The following VMP1 variants were observed in gnomAD, a reference collection of about 807,000 sequenced individuals.
VMP1 encodes the protein ectopic P-granules autophagy protein 3 homolog.
Under a neutral mutation model 56.0 loss-of-function variants are expected in VMP1, and 11 were observed. That is an observed-to-expected ratio of 0.20 (90% CI 0.12 to 0.32). The LOEUF is 0.32. VMP1 is among the 10% of genes least tolerant of loss of function. The pLI is 1.00. For missense variants in VMP1, 296 were observed against 490.3 expected (o/e 0.60, Z 3.74); for synonymous variants, 149 against 165.0 (o/e 0.90, Z 0.74).
chr17:59,765,113 A>T lies in VMP1; in HGVS notation c.557A>T (p.Lys186Ile). Residue 186 changes from lysine (K) to isoleucine (I), a missense_variant, in exon 6 of 12, where the codon AAA becomes ATA. Transcript: ENST00000262291. ...ATTTCTTTGTGGAGTATCATCTCAAAAGTTAGGATTGAAGCCTGCATGTGG... is the reference window on the plus strand; with the variant it reads ...ATTTCTTTGTGGAGTATCATCTCAATAGTTAGGATTGAAGCCTGCATGTGG... ...GTISLWSIIS[K>I]VRIEACMWGI... The T allele has an allele frequency of 6.2e-7, 1 of 1,613,420 alleles. No homozygotes were observed.
intron 5 of VMP1, among the ~76,000 whole-genome samples, chr17:59,757,625 C>T (rs2035892161): frequency 6.6e-6 from 1 of 152,116 alleles, no homozygotes. Flanking sequence ...CCCAGACATA[C>T]TCCTGCCTGG....
chr17:59,792,414 A>G (rs528615486), intron 7 of VMP1, among the ~76,000 whole-genome samples: 1 of 152,308 alleles, frequency 6.6e-6, no homozygotes, highest in African/African-American at 2.4e-5. Context: ...TGTGAATTCC[A>G]TACAGACTTA....
intron 6 of VMP1, among the ~76,000 whole-genome samples, chr17:59,766,466 G>T (rs1323442518): frequency 1.3e-5 from 2 of 151,854 alleles, no homozygotes; most frequent in Non-Finnish European, 2.9e-5. Flanking sequence ...ACCCGCCACC[G>T]CTCTCCAGCC....
chr17:59,788,122 C>T (rs533061666), intron 7 of VMP1, among the ~76,000 whole-genome samples: 2 of 152,130 alleles, frequency 1.3e-5, no homozygotes, highest in South Asian at 2.1e-4. Context: ...TAATGCAGTC[C>T]AGTCATTAGC....
At chr17:59,759,736 T>C (rs2035972657) in intron 5 of VMP1, among the ~76,000 whole-genome samples, 1 of 152,176 alleles carries the variant, frequency 6.6e-6, no homozygotes, top group African/African-American at 2.4e-5. Context: ...TGCCTGAATT[T>C]ATACATTTGG....
intron 10 of VMP1, among the ~76,000 whole-genome samples, chr17:59,826,222 T>C (rs545423729): frequency 6.6e-6 from 1 of 152,332 alleles, no homozygotes; most frequent in Non-Finnish European, 1.5e-5. Flanking sequence ...ACAGTTAACC[T>C]TTCTATATGT....
chr17:59,715,892 G>C (rs1369557369), intron 1 of VMP1, among the ~76,000 whole-genome samples: 1 of 151,998 alleles, frequency 6.6e-6, no homozygotes, highest in Non-Finnish European at 1.5e-5. Flanking sequence ...CTTTGTTCTA[G>C]TAGTTCTGAG....
chr17:59,710,126 G>T (rs1247170402), intron 1 of VMP1, among the ~76,000 whole-genome samples: 2 of 152,164 alleles, frequency 1.3e-5, no homozygotes. Context: ...GAACCCAGGA[G>T]GCGGAGCTTG....
chr17:59,738,787 G>T, intron 4 of VMP1, 50 bp from the exon 5 acceptor site: 1 of 1,253,724 alleles, frequency 8.0e-7, no homozygotes, highest in Non-Finnish European at 1.2e-6. Context: ...TATAAATACC[G>T]CATTTCTGTA....
intron 10 of VMP1, among the ~76,000 whole-genome samples, chr17:59,833,707 G>A (rs1050747151): frequency 3.3e-5 from 5 of 152,100 alleles, no homozygotes; most frequent in Non-Finnish European, 5.9e-5. Flanking sequence ...CAGCTAAAGT[G>A]TATCTCTTTT....
chr17:59,806,873 T>C (rs983053633), intron 7 of VMP1, among the ~76,000 whole-genome samples: 1 of 152,172 alleles, frequency 6.6e-6, no homozygotes, highest in African/African-American at 2.4e-5. Flanking sequence ...TGAGAGCCTA[T>C]GTATTTGGAC....
At chr17:59,829,680 A>G (rs935829778) in intron 10 of VMP1, among the ~76,000 whole-genome samples, 1 of 152,198 alleles carries the variant, frequency 6.6e-6, no homozygotes, top group African/African-American at 2.4e-5. Flanking sequence ...ATTATTTACA[A>G]GACTGTTACC....
chr17:59,768,232 TAAAAA>T (rs1449635446), intron 6 of VMP1, among the ~76,000 whole-genome samples: 1 of 152,208 alleles, frequency 6.6e-6, no homozygotes, highest in Non-Finnish European at 1.5e-5. Flanking sequence ...CTCGTTATAT[TAAAAA>T]TACAGCACAC....
At chr17:59,796,470 C>T (rs1253269529) in intron 7 of VMP1, among the ~76,000 whole-genome samples, 1 of 152,170 alleles carries the variant, frequency 6.6e-6, no homozygotes, top group Non-Finnish European at 1.5e-5. Flanking sequence ...TATTACCTTG[C>T]ACATAGTAGT....
intron 4 of VMP1, among the ~76,000 whole-genome samples, chr17:59,738,139 TTTC>T (rs1169138170): frequency 1.3e-5 from 2 of 152,184 alleles, no homozygotes; most frequent in Non-Finnish European, 2.9e-5. Flanking sequence ...CTGCCAAAGT[TTTC>T]TTATTTTCTC....
chr17:59,767,243 GA>G, intron 6 of VMP1, among the ~76,000 whole-genome samples: 1 of 151,804 alleles, frequency 6.6e-6, no homozygotes, highest in Non-Finnish European at 1.5e-5. Context: ...TCATTAAAAT[GA>G]GCATGAATAC....
intron 5 of VMP1, among the ~76,000 whole-genome samples, chr17:59,746,232 G>A (rs1380056154): frequency 6.6e-6 from 1 of 152,150 alleles, no homozygotes; most frequent in African/African-American, 2.4e-5. Flanking sequence ...GTGCAGTGCT[G>A]TGATCTCAGC....
intron 5 of VMP1, among the ~76,000 whole-genome samples, chr17:59,761,393 G>T (rs558021854): frequency 6.6e-6 from 1 of 152,300 alleles, no homozygotes; most frequent in Non-Finnish European, 1.5e-5. Context: ...TTGAATGCTA[G>T]ATATGTAGTA....
At chr17:59,759,903 G>GTTTTT (rs58618508) in intron 5 of VMP1, among the ~76,000 whole-genome samples, 1 of 97,956 alleles carries the variant, frequency 1.0e-5, no homozygotes, top group Non-Finnish European at 2.5e-5. Flanking sequence ...GTTTTTTGGT[G>GTTTTT]TTTTTTTTTT....
Sources: gnomAD v4.1 joint callset for allele counts (sites outside exome capture counted in the v4.1 genomes callset) on GRCh38, gnomAD v4.1.1 for gene constraint, MANE v1.5 for transcripts, NCBI Gene and HGNC (gene_info 2026-07-23, HGNC 2026-07-21) for gene names.